KHDRBS2: variants seen among roughly 807,000 people sequenced by gnomAD.
KHDRBS2 encodes the protein KH domain-containing, RNA-binding, signal transduction-associated protein 2.
In KHDRBS2, 26 loss-of-function variants were observed where a neutral mutation model predicts 44.3. That is an observed-to-expected ratio of 0.59 (90% CI 0.43 to 0.81). The LOEUF (loss-of-function observed/expected upper bound fraction) is 0.81. KHDRBS2 is among the 40% of genes least tolerant of loss of function. KHDRBS2 has a pLI of 0.00. For synonymous variants in KHDRBS2, 194 were observed against 151.1 expected (o/e 1.28, Z -2.08); for missense variants, 476 against 433.1 (o/e 1.10, Z -0.88).
At chr6:61,884,401 C>T (rs1800625927) in intron 6 of KHDRBS2, among the ~76,000 whole-genome samples, 1 of 152,054 alleles carries the variant, frequency 6.6e-6, no homozygotes, top group Non-Finnish European at 1.5e-5. Flanking sequence ...TGTCCCGATA[C>T]ACCTCCTTGA....
chr6:62,125,206 G>A (rs1808668239), intron 2 of KHDRBS2, among the ~76,000 whole-genome samples: 1 of 152,180 alleles, frequency 6.6e-6, no homozygotes, highest in Non-Finnish European at 1.5e-5. Context: ...AAATCTGTGT[G>A]CTTGCGAGAG....
the KHDRBS2 span, among the ~76,000 whole-genome samples, chr6:61,637,396 G>A: frequency 1.3e-5 from 2 of 152,150 alleles, no homozygotes; most frequent in Admixed American, 6.6e-5. Context: ...GTATTCTGTG[G>A]TGTATATGTG....
chr6:61,962,642 A>G (rs1417887930), intron 4 of KHDRBS2, among the ~76,000 whole-genome samples: 1 of 152,116 alleles, frequency 6.6e-6, no homozygotes, highest in Admixed American at 6.6e-5. Flanking sequence ...AGATGCTTAC[A>G]ATCAATAAAT....
At chr6:61,630,738 G>A in the KHDRBS2 span, among the ~76,000 whole-genome samples, 397 of 152,270 alleles carry the variant, frequency 2.6e-3, 3 homozygotes, top group African/African-American at 9.2e-3. Flanking sequence ...GTATTGAACA[G>A]GGGAAAGATT....
At chr6:61,877,172 A>G (rs1410335519) in intron 6 of KHDRBS2, among the ~76,000 whole-genome samples, 1 of 152,032 alleles carries the variant, frequency 6.6e-6, no homozygotes, top group African/African-American at 2.4e-5. Flanking sequence ...TTTATAGGCA[A>G]AGATTGTTGA....
chr6:61,585,633 A>C, the KHDRBS2 span, among the ~76,000 whole-genome samples: 1 of 152,096 alleles, frequency 6.6e-6, no homozygotes, highest in Admixed American at 6.6e-5. Context: ...AAAGTCCTGA[A>C]ATGTGCTTGA....
At chr6:61,956,655 C>G (rs1767395330) in intron 4 of KHDRBS2, among the ~76,000 whole-genome samples, 1 of 151,958 alleles carries the variant, frequency 6.6e-6, no homozygotes, top group Non-Finnish European at 1.5e-5. Context: ...AAAAATGAGA[C>G]CAGGTAAATT....
At chr6:62,211,377 GA>G (rs1447793350) in intron 1 of KHDRBS2, among the ~76,000 whole-genome samples, 1 of 152,058 alleles carries the variant, frequency 6.6e-6, no homozygotes, top group Non-Finnish European at 1.5e-5. Context: ...CAATCTTTTG[GA>G]AAATAAACAT....
intron 2 of KHDRBS2, among the ~76,000 whole-genome samples, chr6:62,167,855 G>A (rs971645726): frequency 6.6e-6 from 1 of 152,114 alleles, no homozygotes; most frequent in Admixed American, 6.6e-5. Flanking sequence ...GTTTCCATAG[G>A]AGTCGTAGTT....
chr6:62,070,277 C>T (rs2127343856), intron 2 of KHDRBS2, among the ~76,000 whole-genome samples: 1 of 150,164 alleles, frequency 6.7e-6, no homozygotes, highest in East Asian at 2.0e-4. Flanking sequence ...CTGTCTTTGT[C>T]TGGTTTTGGC....
chr6:62,039,201 G>A lies in KHDRBS2; in HGVS notation c.336+8677C>T, dbSNP rs189343755. ...ACTATGGGTGTTTTATGTGTTGATCGGTGCTTTCTATTAAATAAAATAACA... is the reference window on the plus strand; with the variant it reads ...ACTATGGGTGTTTTATGTGTTGATCAGTGCTTTCTATTAAATAAAATAACA... On this transcript the variant is annotated intron_variant, in intron 3 of 8. Coordinates refer to ENST00000281156, the MANE Select transcript of KHDRBS2 (RefSeq NM_152688.4). 4.7e-5 allele frequency among the ~76,000 whole-genome samples: 7 copies of A among 149,126 alleles called. No homozygotes were observed. In the East Asian group the frequency reaches 5.9e-4, roughly 13 times the overall value.
chr6:61,858,712 C>T (rs1474027580), intron 6 of KHDRBS2, among the ~76,000 whole-genome samples: 2 of 151,682 alleles, frequency 1.3e-5, no homozygotes, highest in African/African-American at 4.8e-5. Context: ...TATTTATTGC[C>T]TGTAACTAAG....
chr6:61,666,575 A>G, the KHDRBS2 span, among the ~76,000 whole-genome samples: 9 of 151,424 alleles, frequency 5.9e-5, no homozygotes. Flanking sequence ...CCAGACCCTG[A>G]AGTGTACAGC....
chr6:62,211,176 C>T (rs1828981225), intron 1 of KHDRBS2, among the ~76,000 whole-genome samples: 2 of 152,072 alleles, frequency 1.3e-5, no homozygotes, highest in Non-Finnish European at 2.9e-5. Flanking sequence ...ATAATCTGTA[C>T]TCCTTAATTT....
intron 4 of KHDRBS2, among the ~76,000 whole-genome samples, chr6:61,971,674 G>A (rs534126031): frequency 6.6e-6 from 1 of 151,870 alleles, no homozygotes; most frequent in Admixed American, 6.6e-5. Context: ...CTTTGTCTCT[G>A]TCTCAGTAGA....
chr6:61,817,019 G>A (rs780517634), intron 6 of KHDRBS2: 2 of 455,550 alleles, frequency 4.4e-6, no homozygotes, highest in South Asian at 1.5e-5. Flanking sequence ...AAACATTAAG[G>A]AGAGGTACAG....
chr6:62,162,190 T>C (rs1268579378), intron 2 of KHDRBS2, among the ~76,000 whole-genome samples: 3 of 152,066 alleles, frequency 2.0e-5, no homozygotes, highest in African/African-American at 7.2e-5. Context: ...TATGTCTTCA[T>C]CTGGCTTCAA....
At chr6:62,133,569 T>A (rs1481981213) in intron 2 of KHDRBS2, among the ~76,000 whole-genome samples, 9 of 152,164 alleles carry the variant, frequency 5.9e-5, no homozygotes, top group Non-Finnish European at 1.5e-5. Flanking sequence ...AGTGGGGCAC[T>A]GCCATAAATA....
intron 6 of KHDRBS2, among the ~76,000 whole-genome samples, chr6:61,829,428 T>C (rs956687160): frequency 6.6e-6 from 1 of 152,146 alleles, no homozygotes; most frequent in Non-Finnish European, 1.5e-5. Flanking sequence ...CCTCCCAAAG[T>C]GCTGGGATTA....
Sources: allele counts gnomAD v4.1 joint callset (sites outside exome capture counted in the v4.1 genomes callset), GRCh38; gene constraint gnomAD v4.1.1; transcripts MANE v1.5; gene names NCBI Gene and HGNC (gene_info 2026-07-23, HGNC 2026-07-21).